CLDN16: variants seen among roughly 807,000 people sequenced by gnomAD.
CLDN16 encodes the protein claudin-16.
A neutral mutation model predicts 24.6 loss-of-function variants in CLDN16; 13 were observed. That is an observed-to-expected ratio of 0.53 (90% CI 0.34 to 0.84). The LOEUF (loss-of-function observed/expected upper bound fraction) is 0.84, where lower values mean the gene tolerates loss of function less well. CLDN16 is among the 40% of genes least tolerant of loss of function. CLDN16 has a pLI of 0.01. For missense variants in CLDN16, 298 were observed against 292.7 expected (o/e 1.02, Z -0.13); for synonymous variants, 116 against 106.7 (o/e 1.09, Z -0.54).
At chr3:190,406,048 T>C (rs1305564185) in intron 3 of CLDN16, among the ~76,000 whole-genome samples, 2 of 152,224 alleles carry the variant, frequency 1.3e-5, no homozygotes, top group Non-Finnish European at 2.9e-5. Context: ...TAGATATGTA[T>C]GTGTGATATA....
chr3:190,322,113 T>C, upstream of CLDN16: 2 of 1,614,016 alleles, frequency 1.2e-6, no homozygotes, highest in Non-Finnish European at 1.7e-6. Flanking sequence ...TAGGAGTAAA[T>C]CCTCCACTGG....
At chr3:190,397,136 T>C (rs1718840670) in intron 1 of CLDN16, among the ~76,000 whole-genome samples, 1 of 152,172 alleles carries the variant, frequency 6.6e-6, no homozygotes, top group Non-Finnish European at 1.5e-5. Flanking sequence ...CTACACATTT[T>C]TGGCAACTAA....
chr3:190,349,703 A>G (rs1323403247), intron 1 of CLDN16, among the ~76,000 whole-genome samples: 2 of 152,186 alleles, frequency 1.3e-5, no homozygotes, highest in Admixed American at 6.5e-5. Flanking sequence ...CCAGTTCTAC[A>G]TGCAGGTCAC....
At chr3:190,337,993 C>T (rs1717348536) in intron 1 of CLDN16, among the ~76,000 whole-genome samples, 1 of 152,126 alleles carries the variant, frequency 6.6e-6, no homozygotes, top group Non-Finnish European at 1.5e-5. Context: ...AAGATGATGC[C>T]TGTAGATGGA....
chr3:190,351,007 T>C (rs1189086842), intron 1 of CLDN16, among the ~76,000 whole-genome samples: 1 of 152,128 alleles, frequency 6.6e-6, no homozygotes, highest in African/African-American at 2.4e-5. Context: ...TGGGAGGTGT[T>C]GGGTCTTGTG....
At chr3:190,373,742 G>A (rs1027725261) in intron 2 of CLDN16, among the ~76,000 whole-genome samples, 13 of 151,832 alleles carry the variant, frequency 8.6e-5, no homozygotes, top group Admixed American at 3.9e-4. Flanking sequence ...CGCTCAGGAC[G>A]CATTTTTATT....
chr3:190,308,483 G>T, the CLDN16 span: 15 of 1,588,118 alleles, frequency 9.4e-6, no homozygotes, highest in African/African-American at 2.7e-5. Context: ...TGAATTATTG[G>T]CAACTTTTCT....
intron 1 of CLDN16, among the ~76,000 whole-genome samples, chr3:190,355,003 A>C (rs1032352073): frequency 1.3e-5 from 2 of 152,040 alleles, no homozygotes; most frequent in Non-Finnish European, 2.9e-5. Flanking sequence ...CAATAAATCA[A>C]CATTATTCTA....
chr3:190,310,916 C>A, the CLDN16 span, among the ~76,000 whole-genome samples: 2 of 152,102 alleles, frequency 1.3e-5, no homozygotes, highest in Non-Finnish European at 2.9e-5. Flanking sequence ...ATCATTTAGT[C>A]AAAATCATTC....
chr3:190,391,309 A>G (rs766226410), intron 1 of CLDN16, among the ~76,000 whole-genome samples: 1 of 151,358 alleles, frequency 6.6e-6, no homozygotes, highest in African/African-American at 2.4e-5. Context: ...CAATTATATC[A>G]TATAAAAGGA....
intron 1 of CLDN16, among the ~76,000 whole-genome samples, chr3:190,357,240 A>AC (rs1299075449): frequency 1.3e-5 from 2 of 151,818 alleles, no homozygotes; most frequent in African/African-American, 4.8e-5. Flanking sequence ...AAAATAGAAA[A>AC]CTTTCTAAAA....
the CLDN16 span, chr3:190,308,292 C>T: frequency 6.2e-7 from 1 of 1,613,780 alleles, no homozygotes; most frequent in Admixed American, 1.7e-5. Context: ...CGTAGTCTTT[C>T]CCGCTGGAAG....
At chr3:190,409,491 AT>A (rs898839858) in intron 4 of CLDN16, among the ~76,000 whole-genome samples, 7 of 152,012 alleles carry the variant, frequency 4.6e-5, no homozygotes, top group Non-Finnish European at 8.8e-5. Flanking sequence ...ATATATATAT[AT>A]TTTGATGTAT....
chr3:190,400,644 A>G (rs769410305), intron 1 of CLDN16, among the ~76,000 whole-genome samples: 11 of 152,240 alleles, frequency 7.2e-5, no homozygotes, highest in Non-Finnish European at 1.5e-4. Flanking sequence ...GACTTAAATA[A>G]AAGAATTTCA....
At chr3:190,363,594 A>G (rs1475190779) in intron 1 of CLDN16, among the ~76,000 whole-genome samples, 6 of 133,214 alleles carry the variant, frequency 4.5e-5, no homozygotes, top group Non-Finnish European at 8.1e-5. Context: ...ATATATATAT[A>G]TATTTTCTTT....
intron 1 of CLDN16, among the ~76,000 whole-genome samples, chr3:190,344,222 A>G (rs182681332): frequency 6.6e-6 from 1 of 152,174 alleles, no homozygotes; most frequent in Admixed American, 6.5e-5. Context: ...ACTAAATAAC[A>G]CCTTCAGAGA....
the CLDN16 span, among the ~76,000 whole-genome samples, chr3:190,297,020 C>T: frequency 6.6e-6 from 1 of 151,996 alleles, no homozygotes; most frequent in South Asian, 2.1e-4. Flanking sequence ...CCCTGAGCCA[C>T]AGACTGTCTT....
At chr3:190,346,254 T>C (rs1160770995) in intron 1 of CLDN16, among the ~76,000 whole-genome samples, 1 of 151,924 alleles carries the variant, frequency 6.6e-6, no homozygotes, top group Non-Finnish European at 1.5e-5. Context: ...GAAGTTCTGT[T>C]TGCTTAGGGA....
chr3:190,358,367 A>G (rs1016648003), intron 1 of CLDN16, among the ~76,000 whole-genome samples: 3 of 151,976 alleles, frequency 2.0e-5, no homozygotes, highest in Non-Finnish European at 4.4e-5. Flanking sequence ...TCATGAGTGC[A>G]TTCATTTCTC....
Sources: allele counts gnomAD v4.1 joint callset (sites outside exome capture counted in the v4.1 genomes callset), GRCh38; gene constraint gnomAD v4.1.1; transcripts MANE v1.5; gene names NCBI Gene and HGNC (gene_info 2026-07-23, HGNC 2026-07-21).